PGS1: variants seen among roughly 807,000 people sequenced by gnomAD.
PGS1 encodes the protein phosphatidylglycerophosphate synthase 1.
Under a neutral mutation model 58.3 loss-of-function variants are expected in PGS1, and 44 were observed. The observed-to-expected ratio is 0.75, with a 90% CI of 0.59 to 0.97. The LOEUF (loss-of-function observed/expected upper bound fraction) is 0.97, where lower values mean the gene tolerates loss of function less well. PGS1 is among the 50% of genes least tolerant of loss of function. The pLI, the probability that PGS1 is intolerant of heterozygous loss-of-function variation, is 0.00. For missense variants in PGS1, 684 were observed against 731.1 expected, an observed-to-expected ratio of 0.94 and a Z score of 0.74; for synonymous variants, 330 against 311.0, an observed-to-expected ratio of 1.06 and a Z score of -0.64.
intron 6 of PGS1, among the ~76,000 whole-genome samples, chr17:78,401,947 G>T (rs534430211): frequency 6.6e-6 from 1 of 152,216 alleles, no homozygotes; most frequent in Non-Finnish European, 1.5e-5. Context: ...AACAGGCCAT[G>T]CTTAGGCCAG....
intron 4 of PGS1, among the ~76,000 whole-genome samples, chr17:78,398,870 A>G (rs954670730): frequency 6.6e-6 from 1 of 151,952 alleles, no homozygotes; most frequent in African/African-American, 2.4e-5. Context: ...TGTCTTTTGG[A>G]AGAGTCTGAT....
chr17:78,399,552 C>T lies in PGS1; in HGVS notation c.701+15C>T, dbSNP rs368213169. On this transcript the variant is annotated intron_variant, in intron 5 of 9. Coordinates refer to ENST00000262764, the MANE Select transcript of PGS1 (RefSeq NM_024419.5). Reference sequence around the variant, plus strand: ...ATCTTGAGCGGGTGAGTGCTTCCCACCGTCAGTGCTTTTGCCCTCCTGCTC... The same window carrying T: ...ATCTTGAGCGGGTGAGTGCTTCCCATCGTCAGTGCTTTTGCCCTCCTGCTC... 9.9e-6 allele frequency: 16 copies of T among 1,613,186 alleles called. No individual in the cohort carries two copies. The African/African-American group carries it at 1.9e-4, about 19-fold the overall frequency.
intron 7 of PGS1, among the ~76,000 whole-genome samples, chr17:78,414,364 G>A (rs2084989497): frequency 6.6e-6 from 1 of 152,178 alleles, no homozygotes; most frequent in Non-Finnish European, 1.5e-5. Flanking sequence ...GCGCTGAGGT[G>A]GCTGCTTCTG....
chr17:78,403,038 A>G (rs2083816948), intron 6 of PGS1, among the ~76,000 whole-genome samples: 1 of 152,148 alleles, frequency 6.6e-6, no homozygotes, highest in Non-Finnish European at 1.5e-5. Flanking sequence ...GTGCTTATCC[A>G]AGGTGATGGC....
intron 7 of PGS1, among the ~76,000 whole-genome samples, chr17:78,412,898 C>T (rs998868643): frequency 4.0e-5 from 6 of 150,282 alleles, no homozygotes; most frequent in Non-Finnish European, 7.4e-5. Context: ...CTGAGGCTGG[C>T]GGACGCCTGC....
At chr17:78,392,814 A>T (rs1247515531) in intron 2 of PGS1, 149 bp downstream of exon 2, 13 of 620,292 alleles carry the variant, frequency 2.1e-5, no homozygotes, top group Non-Finnish European at 3.3e-5. Context: ...AGCTTCATAG[A>T]TGGTTGAGCT....
At chr17:78,423,411 G>A (rs776317812) in intron 9 of PGS1, among the ~76,000 whole-genome samples, 6 of 152,270 alleles carry the variant, frequency 3.9e-5, no homozygotes, top group South Asian at 2.1e-4. Context: ...GAGTAATGGC[G>A]GATGAGACGC....
Position 78,403,656 on chromosome 17 carries a change from C to A in PGS1, c.969C>A (p.Ala323=). ...SARTRQQMLH[A]QTFHSNSLLT... is the part of the protein sequence containing the mutation. ...GGACCCGCCAGCAGATGCTGCATGC[C>A]CAGACCTTCCACAGCAACTCTCTTT... is the stretch of plus-strand genomic sequence containing the variant. The change falls in exon 7 of 10, where the codon GCC becomes GCA. Residue 323 remains alanine, a synonymous_variant. Coordinates refer to ENST00000262764, the MANE Select transcript of PGS1 (RefSeq NM_024419.5). The A allele has an allele frequency of 6.2e-7, 1 of 1,614,144 alleles. No individual in the cohort carries two copies. The highest frequency in any genetic ancestry group is 8.5e-7 in the Non-Finnish European group (1 of 1,180,040).
At chr17:78,419,842 AG>A in intron 9 of PGS1, 167 bp downstream of exon 9, 14 of 1,397,044 alleles carry the variant, frequency 1.0e-5, no homozygotes, top group Non-Finnish European at 1.2e-5. Flanking sequence ...CAAAGTTAGA[AG>A]CTGGATGCTA....
intron 6 of PGS1, among the ~76,000 whole-genome samples, chr17:78,402,397 CAT>C (rs10599132): frequency 5.1e-4 from 55 of 108,376 alleles, no homozygotes; most frequent in African/African-American, 1.7e-3. Flanking sequence ...AATTTCTATT[CAT>C]ATATATATAT....
Position 78,415,011 on chromosome 17 carries a change from A to G in PGS1, c.1535A>G (p.Gln512Arg), listed in dbSNP as rs1483751241. ...ATCGTGACGGAGAACCAGGCCCTGC[A>G]GCAGCAGCTTCACCAGGTTGGTCGC... ...IAIVTENQALQQQLHQEQEQL... is the reference protein window; with the variant it reads ...IAIVTENQALRQQLHQEQEQL... Residue 512 changes from glutamine (Q) to arginine (R), a missense_variant, in exon 8 of 10, where the codon CAG becomes CGG. By Grantham distance (43) the Gln-to-Arg change is conservative (BLOSUM62 1). Transcript: ENST00000262764. 1.2e-6 allele frequency: 2 copies of G among 1,613,082 alleles called. No individual in the cohort carries two copies. Among genetic ancestry groups the G allele is most frequent in the South Asian group, 2.2e-5 (2 of 91,022 alleles).
At chr17:78,388,819 A>C (rs191418047) in intron 1 of PGS1, among the ~76,000 whole-genome samples, 1 of 140,960 alleles carries the variant, frequency 7.1e-6, no homozygotes, top group African/African-American at 2.9e-5. Context: ...CACATGCACT[A>C]TTTGGACATT....
At chr17:78,422,638 C>G (rs988627588) in intron 9 of PGS1, among the ~76,000 whole-genome samples, 4 of 152,078 alleles carry the variant, frequency 2.6e-5, no homozygotes, top group Non-Finnish European at 5.9e-5. Flanking sequence ...GCTGGGACCA[C>G]AGGCACATAC....
In PGS1 at chr17:78,423,871, GC is replaced by G. The variant is rs1342641821; in HGVS notation, c.*11-186del. 13 of 1,611,164 alleles carry G rather than the reference GC, an allele frequency of 8.1e-6. No individual in the cohort carries two copies. In the East Asian group the frequency reaches 2.7e-4, roughly 33 times the overall value. The stretch of plus-strand genomic sequence containing the variant: ...AGGTGAAGGGCTGAGTTGTGGTCCA[GC>G]CCCAGGGAGTGTGGGCTGTGAGGCA... On this transcript the variant is annotated intron_variant, in intron 9 of 9. Transcript: ENST00000262764.
chr17:78,392,767 C>G (rs1403536383), intron 2 of PGS1, 102 bp downstream of exon 2: 1 of 855,264 alleles, frequency 1.2e-6, no homozygotes, highest in African/African-American at 1.7e-5. Flanking sequence ...GATAGCTGCT[C>G]AAGCTTATTC....
chr17:78,410,416 G>A (rs1478417079), intron 7 of PGS1, among the ~76,000 whole-genome samples: 2 of 145,594 alleles, frequency 1.4e-5, no homozygotes, highest in African/African-American at 2.5e-5. Context: ...GTGACAAGAC[G>A]AAACTCTGTC....
intron 7 of PGS1, among the ~76,000 whole-genome samples, chr17:78,409,057 G>C (rs956491076): frequency 2.1e-4 from 32 of 152,244 alleles, no homozygotes; most frequent in African/African-American, 7.5e-4. Flanking sequence ...AGGCAGTGCA[G>C]GGGAGGCTGA....
chr17:78,402,691 G>T (rs929153882), intron 6 of PGS1, among the ~76,000 whole-genome samples: 1 of 152,146 alleles, frequency 6.6e-6, no homozygotes, highest in Non-Finnish European at 1.5e-5. Context: ...CAGGTGATCT[G>T]CCCGCTCCTG....
chr17:78,379,474 A>C (rs778719466), intron 1 of PGS1, among the ~76,000 whole-genome samples: 1 of 152,194 alleles, frequency 6.6e-6, no homozygotes, highest in East Asian at 1.9e-4. Context: ...GTCTTTTAAA[A>C]TAAACATTTG....
Sources: gnomAD v4.1 joint callset for allele counts (sites outside exome capture counted in the v4.1 genomes callset) on GRCh38, gnomAD v4.1.1 for gene constraint, MANE v1.5 for transcripts, NCBI Gene and HGNC (gene_info 2026-07-23, HGNC 2026-07-21) for gene names.